ECM1: variants seen among roughly 807,000 people sequenced by gnomAD.
ECM1 encodes the protein extracellular matrix protein 1.
A neutral mutation model predicts 57.9 loss-of-function variants in ECM1; 54 were observed. The ratio of observed to expected loss-of-function variants is 0.93; its 90% CI spans 0.75 to 1.17. The LOEUF is 1.17. Ranked by LOEUF, ECM1 falls within the 50% of genes most tolerant of loss-of-function variation. The probability of loss-of-function intolerance (pLI) is 0.00; values close to 1 mark genes in which losing one functional copy is unlikely to be tolerated. For missense variants in ECM1, 649 were observed against 688.1 expected (o/e 0.94, Z 0.64); for synonymous variants, 237 against 259.1 (o/e 0.91, Z 0.82).
chr1:150,512,721 A>G lies in ECM1; in HGVS notation c.1305-4A>G, dbSNP rs757818911. 17 of 1,613,930 alleles carry G rather than the reference A, an allele frequency of 1.1e-5. No individual in the cohort carries two copies. The highest frequency in any genetic ancestry group is 1.4e-5 in the Non-Finnish European group (17 of 1,179,984). Reference sequence around the variant, plus strand: ...TAACCCCTGCCCCTTTCACACCAACATAGTAAACATATTCCTGGGCTGATC... The same window carrying G: ...TAACCCCTGCCCCTTTCACACCAACGTAGTAAACATATTCCTGGGCTGATC... On this transcript the variant is annotated splice_region_variant and splice_polypyrimidine_tract_variant and intron_variant, in intron 8 of 9. Coordinates refer to ENST00000369047, the MANE Select transcript of ECM1 (RefSeq NM_004425.4).
Position 150,511,199 on chromosome 1 carries a change from G to A in ECM1, c.708+1G>A, listed in dbSNP as rs1401941410. ...CCGCCTAGAGTGTGCCAAACTTGTGGTAAGGTTGGGTTCTTGATGCCGGGG... is the reference window on the plus strand; with the variant it reads ...CCGCCTAGAGTGTGCCAAACTTGTGATAAGGTTGGGTTCTTGATGCCGGGG... On this transcript the variant is annotated splice_donor_variant, in intron 6 of 9. Coordinates refer to ENST00000369047, the MANE Select transcript of ECM1 (RefSeq NM_004425.4). LOFTEE classifies it high-confidence loss of function. 6.2e-7 allele frequency: 1 copy of A among 1,614,138 alleles called. No individual in the cohort carries two copies. Among genetic ancestry groups the A allele is most frequent in the Admixed American group, 1.7e-5 (1 of 60,032 alleles).
Position 150,508,244 on chromosome 1 carries a change from C to T in ECM1, c.35C>T (p.Thr12Ile). ...GTTARAALVL[T>I]YLAVASAASE... The stretch of plus-strand genomic sequence containing the variant: ...ACAGCCAGAGCAGCCTTGGTCTTGA[C>T]CTATTTGGCTGTTGCTTCTGCTGCC... Residue 12 changes from threonine to isoleucine, a missense_variant, in exon 1 of 10, where the codon ACC (threonine) becomes ATC (isoleucine). Physicochemically the swap from Thr to Ile is moderately conservative, Grantham distance 89. Coordinates refer to ENST00000369047, the MANE Select transcript of ECM1 (RefSeq NM_004425.4). 1 of 1,614,102 alleles carries T rather than the reference C, an allele frequency of 6.2e-7. No individual in the cohort carries two copies.
At chr1:150,513,172 T>C in intron 9 of ECM1, 65 bp from the exon 10 acceptor site, 2 of 1,530,752 alleles carry the variant, frequency 1.3e-6, no homozygotes, top group Non-Finnish European at 9.0e-7. Flanking sequence ...GGCACCCAAG[T>C]ATCTACATCT....
Position 150,512,390 on chromosome 1 carries a change from TG to T in ECM1, c.1123del (p.Ala375LeufsTer2). ...TLDKYCDREYAVKTHHHLCCR... is the reference protein window; with the variant it reads ...TLDKYCDREYXVKTHHHLCCR... ...TTGACAAATACTGTGACCGGGAGTA[TG>T]CTGTGAAGACCCACCACCACTTGTG... On this transcript the variant is annotated frameshift_variant, in exon 8 of 10. Coordinates refer to ENST00000369047, the MANE Select transcript of ECM1 (RefSeq NM_004425.4). LOFTEE classifies it high-confidence loss of function. 2 of 1,613,386 alleles carry T rather than the reference TG, an allele frequency of 1.2e-6. No homozygotes were observed. Among genetic ancestry groups the T allele is most frequent in the Non-Finnish European group, 1.7e-6 (2 of 1,179,900 alleles).
rs587615220 is a variant in ECM1, at chr1:150,509,842, G to A, written c.223+80G>A. 9.9e-6 allele frequency: 16 copies of A among 1,613,850 alleles called. No individual in the cohort carries two copies. In the Middle Eastern group the frequency reaches 4.9e-4, roughly 50 times the overall value. On this transcript the variant is annotated intron_variant, in intron 3 of 9. Transcript: ENST00000369047. The stretch of plus-strand genomic sequence containing the variant: ...CTATATCCCACTTTTCAGGTGGAAA[G>A]GAGGGAAGAGGCCCTCGCCCCCACT...
Position 150,510,911 on chromosome 1 carries a change from G to C in ECM1, c.421G>C (p.Glu141Gln), listed in dbSNP as rs1471835350. 6.2e-7 allele frequency: 1 copy of C among 1,614,114 alleles called. No homozygotes were observed. Among genetic ancestry groups the C allele is most frequent in the Non-Finnish European group, 8.5e-7 (1 of 1,180,034 alleles). Residue 141 changes from glutamate (E) to glutamine (Q), a missense_variant, in exon 6 of 10, where the codon GAA (glutamate) becomes CAA (glutamine). Glu to Gln is a conservative substitution (Grantham distance 29). Coordinates refer to ENST00000369047, the MANE Select transcript of ECM1 (RefSeq NM_004425.4). Reference protein sequence around the residue: ...PAPFGDQSHPEPESWNAAQHC... With the variant: ...PAPFGDQSHPQPESWNAAQHC... ...TCCATTTGGGGACCAGAGCCATCCA[G>C]AACCTGAGTCCTGGAATGCAGCCCA...
chr1:150,509,319 A>C (rs1570881913), intron 1 of ECM1: 1 of 629,534 alleles, frequency 1.6e-6, no homozygotes, highest in Non-Finnish European at 2.9e-6. Context: ...GAGCTATCAG[A>C]CCGCCACAGG....
At chr1:150,511,413 G>C (rs1423901672) in intron 6 of ECM1, 44 bp from the exon 7 acceptor site, 2 of 1,613,890 alleles carry the variant, frequency 1.2e-6, no homozygotes, top group South Asian at 2.2e-5. Context: ...CTGGGAGGAA[G>C]GCAGGAATGT....
In ECM1 at chr1:150,508,267, G is replaced by A. The variant is rs762430561; in HGVS notation, c.58G>A (p.Ala20Thr). 3.7e-5 allele frequency: 60 copies of A among 1,613,872 alleles called. 2 individuals are homozygous for A. The South Asian group carries it at 6.5e-4, about 17-fold the overall frequency. Reference sequence around the variant, plus strand: ...GACCTATTTGGCTGTTGCTTCTGCTGCCTCTGAGGGAGGTGAGTTGGGGGA... The same window carrying A: ...GACCTATTTGGCTGTTGCTTCTGCTACCTCTGAGGGAGGTGAGTTGGGGGA... ...VLTYLAVASAASEGGFTATGQ... is the reference protein window; with the variant it reads ...VLTYLAVASATSEGGFTATGQ... The change falls in exon 1 of 10, where the codon GCC becomes ACC. Residue 20 changes from alanine to threonine, a missense_variant. Coordinates refer to ENST00000369047, the MANE Select transcript of ECM1 (RefSeq NM_004425.4).
rs774536088 is a variant in ECM1, at chr1:150,511,049, C to T, written c.559C>T (p.His187Tyr). The T allele has an allele frequency of 2.5e-6, 4 of 1,614,068 alleles. No individual in the cohort carries two copies. Among genetic ancestry groups the T allele is most frequent in the Non-Finnish European group, 3.4e-6 (4 of 1,180,032 alleles). Residue 187 changes from histidine (H) to tyrosine (Y), a missense_variant, in exon 6 of 10, where the codon CAT (histidine) becomes TAT (tyrosine). His to Tyr is a moderately conservative substitution (Grantham distance 83). Coordinates refer to ENST00000369047, the MANE Select transcript of ECM1 (RefSeq NM_004425.4). Reference protein sequence around the residue: ...LNQICLPNRQHVVYGPWNLPQ... With the variant: ...LNQICLPNRQYVVYGPWNLPQ... ...CCAAATCTGCCTTCCTAACCGTCAG[C>T]ATGTGGTATATGGTCCCTGGAACCT...
Position 150,510,035 on chromosome 1 carries a change from C to T in ECM1, c.304+33C>T, listed in dbSNP as rs201880249. On this transcript the variant is annotated intron_variant, in intron 4 of 9. Coordinates refer to ENST00000369047, the MANE Select transcript of ECM1 (RefSeq NM_004425.4). ...CTTGCCCACCCTCCCTCACCTCTAT[C>T]CCACTATGGATCCTGTTGACACCAG... is the stretch of plus-strand genomic sequence containing the variant. The T allele has an allele frequency of 6.3e-5, 101 of 1,614,090 alleles. 1 individual carries two copies. The African/African-American group carries it at 9.5e-4, about 15-fold the overall frequency.
At chr1:150,513,101 C>A in intron 9 of ECM1, 136 bp from the exon 10 acceptor site, 1 of 957,140 alleles carries the variant, frequency 1.0e-6, no homozygotes, top group Non-Finnish European at 1.6e-6. Context: ...CTTGTACTCT[C>A]TCTGGGCCCC....
At chr1:150,510,666 G>T (rs1221523151) in intron 5 of ECM1, 13 of 640,164 alleles carry the variant, frequency 2.0e-5, no homozygotes, top group Admixed American at 4.9e-5. Context: ...AGGAGGTGGG[G>T]GCAGGCTGTG....
Position 150,512,355 on chromosome 1 carries a change from G to C in ECM1, c.1087G>C (p.Glu363Gln). The part of the protein sequence containing the change: ...NNHTCTWKAW[E>Q]DTLDKYCDRE... ...CTTCCCTCTCTCTGGTCCACAGTGG[G>C]AGGATACCCTTGACAAATACTGTGA... The change falls in exon 8 of 10, where the codon GAG becomes CAG. Residue 363 changes from glutamate to glutamine, a missense_variant. By Grantham distance (29) the Glu-to-Gln change is conservative. Transcript: ENST00000369047. 1 of 1,612,766 alleles carries C rather than the reference G, an allele frequency of 6.2e-7. No individual in the cohort carries two copies. Among genetic ancestry groups the C allele is most frequent in the South Asian group, 1.1e-5 (1 of 90,970 alleles).
rs893853504 is a variant in ECM1 at position 150,513,550 on chromosome 1, CT to C, written c.*85del. 9 of 1,282,882 alleles carry C rather than the reference CT, an allele frequency of 7.0e-6. No homozygotes were observed. Among genetic ancestry groups the C allele is most frequent in the Non-Finnish European group, 3.3e-6 (3 of 922,616 alleles). The allele number at this position is 1,282,882 out of a possible 1,614,324, so 79.5% of individuals were successfully genotyped here. On this transcript the variant is annotated 3_prime_UTR_variant, in exon 10 of 10. Transcript: ENST00000369047. ...TGAACACTCATTACACTAAACACCT[CT>C]TGGATTTGGTGTCCTCATTGTCTAT...
At position 150,509,576 on chromosome 1, in the gene ECM1, A is replaced by G; in HGVS notation, c.116A>G (p.Gln39Arg). ...GQRQLRPEHFQEVGYAAPPSP... is the reference protein window; with the variant it reads ...GQRQLRPEHFREVGYAAPPSP... ...AGGCAGCTGAGGCCAGAGCACTTTC[A>G]AGAAGGTAAGAGTTTGGGGGAGCAG... The change falls in exon 2 of 10, where the codon CAA (glutamine) becomes CGA (arginine). Residue 39 changes from glutamine (Q) to arginine (R), a missense_variant. Coordinates refer to ENST00000369047, the MANE Select transcript of ECM1 (RefSeq NM_004425.4). 6.2e-7 allele frequency: 1 copy of G among 1,614,008 alleles called. No individual in the cohort carries two copies. Among genetic ancestry groups the G allele is most frequent in the Non-Finnish European group, 8.5e-7 (1 of 1,180,002 alleles).
chr1:150,509,443 A>G lies in ECM1; in HGVS notation c.71-88A>G. 2.1e-6 allele frequency: 3 copies of G among 1,442,016 alleles called. No individual in the cohort carries two copies. In the South Asian group the frequency reaches 3.4e-5, roughly 17 times the overall value. The allele number at this position is 1,442,016 out of a possible 1,614,324, so 89.3% of individuals were successfully genotyped here. A position where few individuals can be genotyped will look rare whatever the true frequency, so the allele number is the denominator to read the frequency against. ...CTCGTGTCTTGCTTGTCTGTCCTAC[A>G]CTCTTGATCTCCACAGCCTCCCCAT... is the stretch of plus-strand genomic sequence containing the variant. On this transcript the variant is annotated intron_variant, in intron 1 of 9. Coordinates refer to ENST00000369047, the MANE Select transcript of ECM1 (RefSeq NM_004425.4).
rs587636258 is a variant in ECM1 at position 150,511,899 on chromosome 1, G to A, written c.1083+68G>A. The A allele has an allele frequency of 2.0e-6, 3 of 1,532,234 alleles. No homozygotes were observed. In the South Asian group the frequency reaches 3.8e-5, roughly 19 times the overall value. The allele number at this position is 1,532,234 out of a possible 1,614,324, so 94.9% of individuals were successfully genotyped here. ...CTGCCCATCTTCGACCTCTGATCCT[G>A]CCAGTCCATCCATCCATGTACCCCC... is the stretch of plus-strand genomic sequence containing the variant. On this transcript the variant is annotated intron_variant, in intron 7 of 9. Coordinates refer to ENST00000369047, the MANE Select transcript of ECM1 (RefSeq NM_004425.4).
rs768474010 is a variant in ECM1 at position 150,509,926 on chromosome 1, GC to G, written c.233del (p.Pro78LeufsTer100). On this transcript the variant is annotated frameshift_variant, in exon 4 of 10. Coordinates refer to ENST00000369047, the MANE Select transcript of ECM1 (RefSeq NM_004425.4). LOFTEE classifies it high-confidence loss of function. Reference sequence around the variant, plus strand: ...CACACATTCCCCCTTCTATAGTGCAGCCCCCTCCCTCTCAGGAGGCCACCCC... The same window carrying G: ...CACACATTCCCCCTTCTATAGTGCAGCCCCTCCCTCTCAGGAGGCCACCCC... ...PPFEGQSQVQ[P>X]PPSQEATPLQ... 1.3e-4 allele frequency: 203 copies of G among 1,613,910 alleles called. No homozygotes were observed. Among genetic ancestry groups the G allele is most frequent in the Non-Finnish European group, 1.5e-4 (173 of 1,179,968 alleles).
Sources: allele counts gnomAD v4.1 joint callset, GRCh38; gene constraint gnomAD v4.1.1; transcripts MANE v1.5; gene names NCBI Gene and HGNC (gene_info 2026-07-23, HGNC 2026-07-21).